SGCD: variants seen among roughly 807,000 people sequenced by gnomAD.
SGCD encodes the protein delta-sarcoglycan.
A neutral mutation model predicts 36.6 loss-of-function variants in SGCD; 18 were observed. That is an observed-to-expected ratio of 0.49 (90% CI 0.34 to 0.73). SGCD has a LOEUF of 0.73. Ranked by LOEUF, SGCD falls within the 30% of genes least tolerant of loss-of-function variation. The pLI is 0.01. For missense variants in SGCD, 387 were observed against 346.7 expected, an observed-to-expected ratio of 1.12 and a Z score of -0.92; for synonymous variants, 133 against 130.6, an observed-to-expected ratio of 1.02 and a Z score of -0.12.
chr5:156,142,192 C>G (rs1762597736), intron 3 of SGCD, among the ~76,000 whole-genome samples: 1 of 152,198 alleles, frequency 6.6e-6, no homozygotes, highest in Non-Finnish European at 1.5e-5. Flanking sequence ...TTCTGGCTCC[C>G]CCTTTGCTTT....
intron 4 of SGCD, among the ~76,000 whole-genome samples, chr5:156,524,111 T>TAC (rs1757537467): frequency 3.5e-5 from 1 of 28,858 alleles, no homozygotes; most frequent in Non-Finnish European, 8.7e-5. Context: ...TATATATATA[T>TAC]ATATATATAT....
chr5:156,034,297 C>T (rs1196909341), intron 1 of SGCD, among the ~76,000 whole-genome samples: 1 of 152,160 alleles, frequency 6.6e-6, no homozygotes, highest in Non-Finnish European at 1.5e-5. Flanking sequence ...ATGAACCTTC[C>T]TCCACCAAAC....
Position 156,757,254 on chromosome 5 carries a change from T to A in SGCD, c.576-327T>A, listed in dbSNP as rs1012406559. On this transcript the variant is annotated intron_variant, in intron 7 of 8. Transcript: ENST00000337851. ...AGCTCGGTTTAGATCCGGGATTGAC[T>A]TACTTTTACAAAAAAAAAAAAAAAA... 7.1e-5 allele frequency among the ~76,000 whole-genome samples: 7 copies of A among 98,586 alleles called. No individual in the cohort carries two copies. The Admixed American group carries it at 1.2e-3, about 16-fold the overall frequency. 64.7% of individuals were successfully genotyped at this position (98,586 alleles called of 152,430 possible).
At position 155,950,736 on chromosome 5, in the gene SGCD, C is replaced by G. The variant is rs192901587; in HGVS notation, c.-282+80312C>G. Among the ~76,000 whole-genome samples the G allele has an allele frequency of 1.8e-3, 267 of 152,266 alleles. 2 individuals carry two copies. The highest frequency in any genetic ancestry group is 5.7e-3 in the African/African-American group (236 of 41,566). Reference sequence around the variant, plus strand: ...CTTCCTTTATTTTGTACTCCCCCAGCCTTTCCCACTTGATGACTTGAATTA... The same window carrying G: ...CTTCCTTTATTTTGTACTCCCCCAGGCTTTCCCACTTGATGACTTGAATTA... On this transcript the variant is annotated intron_variant, in intron 1 of 9. Transcript: ENST00000517913.
chr5:156,332,365 A>T (rs144354818), intron 2 of SGCD, among the ~76,000 whole-genome samples: 27 of 152,168 alleles, frequency 1.8e-4, no homozygotes, highest in Non-Finnish European at 3.7e-4. Context: ...GGCATTCCCT[A>T]TGTAATTTCT....
chr5:156,122,784 T>C (rs1032258408), intron 2 of SGCD, among the ~76,000 whole-genome samples: 5 of 136,718 alleles, frequency 3.7e-5, no homozygotes, highest in Admixed American at 8.3e-5. Context: ...GAGAGCCTGC[T>C]GTGCAACCTT....
chr5:155,801,851 C>T, the SGCD span, among the ~76,000 whole-genome samples: 1 of 152,132 alleles, frequency 6.6e-6, no homozygotes. Flanking sequence ...TGGTTTAACC[C>T]TTTTGTTCCT....
At chr5:156,700,247 C>G (rs943822908) in intron 7 of SGCD, among the ~76,000 whole-genome samples, 28 of 152,202 alleles carry the variant, frequency 1.8e-4, no homozygotes, top group African/African-American at 6.5e-4. Flanking sequence ...CAGAGATCCT[C>G]CAACATGTCT....
intron 2 of SGCD, among the ~76,000 whole-genome samples, chr5:156,333,703 A>G (rs542406783): frequency 6.7e-6 from 1 of 150,186 alleles, no homozygotes; most frequent in African/African-American, 2.4e-5. Context: ...GATTAAATAC[A>G]TGTAGAACAA....
At chr5:155,855,191 GA>G in the SGCD span, among the ~76,000 whole-genome samples, 1 of 152,160 alleles carries the variant, frequency 6.6e-6, no homozygotes, top group Non-Finnish European at 1.5e-5. Context: ...GAGCAGGTCA[GA>G]AGTTCCAGAA....
intron 1 of SGCD, among the ~76,000 whole-genome samples, chr5:156,112,702 G>A (rs577791384): frequency 5.1e-4 from 77 of 152,212 alleles, no homozygotes; most frequent in African/African-American, 1.8e-3. Flanking sequence ...CAGGTAAATA[G>A]GTGAATTGTT....
intron 2 of SGCD, among the ~76,000 whole-genome samples, chr5:156,333,958 G>T (rs1182263985): frequency 1.3e-5 from 2 of 151,350 alleles, no homozygotes; most frequent in African/African-American, 4.9e-5. Flanking sequence ...AGCTGACTTT[G>T]GTTTTTTTTT....
chr5:156,375,173 A>AT (rs899156441), intron 3 of SGCD, among the ~76,000 whole-genome samples: 8 of 151,336 alleles, frequency 5.3e-5, no homozygotes, highest in Admixed American at 5.3e-4. Flanking sequence ...TCTCCTTCCG[A>AT]TTTTTTCCGT....
At chr5:155,868,360 C>CT (rs10532701), upstream of SGCD, among the ~76,000 whole-genome samples, 979 of 110,698 alleles carry the variant, frequency 8.8e-3, 7 homozygotes, top group Non-Finnish European at 0.013. Flanking sequence ...CCCTTTTTTT[C>CT]TTTTTTTTTT....
intron 3 of SGCD, 29 bp downstream of exon 3, chr5:156,344,706 C>G (rs781692754): frequency 2.6e-6 from 4 of 1,549,466 alleles, no homozygotes; most frequent in Non-Finnish European, 3.5e-6. Flanking sequence ...GTTTGTTTAG[C>G]TTTCTTCCGG....
chr5:156,369,541 T>C (rs1770277419), intron 3 of SGCD, among the ~76,000 whole-genome samples: 1 of 152,148 alleles, frequency 6.6e-6, no homozygotes, highest in Admixed American at 6.5e-5. Flanking sequence ...TGAAAGCCAT[T>C]AAAGGAGGTG....
At chr5:156,541,441 G>A (rs1045516937) in intron 4 of SGCD, among the ~76,000 whole-genome samples, 7 of 152,124 alleles carry the variant, frequency 4.6e-5, no homozygotes, top group Admixed American at 3.3e-4. Context: ...CCAATGGGAT[G>A]GTGGCAGAAA....
intron 7 of SGCD, among the ~76,000 whole-genome samples, chr5:156,722,508 C>G (rs1229282913): frequency 6.6e-6 from 1 of 152,178 alleles, no homozygotes; most frequent in Non-Finnish European, 1.5e-5. Flanking sequence ...ACTGTGTATC[C>G]TGGGCTACAG....
intron 3 of SGCD, among the ~76,000 whole-genome samples, chr5:156,441,093 A>AT (rs1212105058): frequency 6.6e-6 from 1 of 152,088 alleles, no homozygotes; most frequent in Admixed American, 6.6e-5. Flanking sequence ...TAATATTGTG[A>AT]TTTTAAGCCC....
Sources: gnomAD v4.1 joint callset for allele counts (sites outside exome capture counted in the v4.1 genomes callset) on GRCh38, gnomAD v4.1.1 for gene constraint, MANE v1.5 for transcripts, NCBI Gene and HGNC (gene_info 2026-07-23, HGNC 2026-07-21) for gene names.